Variants in DHX15 observed in about 807,000 individuals in gnomAD.
DHX15 encodes the protein ATP-dependent RNA helicase DHX15.
DHX15 carries 11 observed loss-of-function variants against 94.4 expected under a neutral mutation model. That is an observed-to-expected ratio of 0.12 (90% CI 0.07 to 0.19). The LOEUF is 0.19. DHX15 is among the 10% of genes least tolerant of loss of function. The pLI is 1.00. For missense variants in DHX15, 304 were observed against 988.5 expected, an observed-to-expected ratio of 0.31 and a Z score of 9.29; for synonymous variants, 338 against 329.9, an observed-to-expected ratio of 1.02 and a Z score of -0.27.
intron 3 of DHX15, among the ~76,000 whole-genome samples, chr4:24,560,221 T>TTA (rs970789575): frequency 6.9e-4 from 104 of 151,650 alleles, no homozygotes; most frequent in African/African-American, 2.4e-3. Context: ...ATTTTTGTAT[T>TTA]TATATATATG....
chr4:24,543,600 A>G (rs758513260), intron 6 of DHX15, among the ~76,000 whole-genome samples: 6 of 152,192 alleles, frequency 3.9e-5, no homozygotes, highest in Non-Finnish European at 8.8e-5. Flanking sequence ...GACATGTAAT[A>G]CGTTACTACA....
At chr4:24,583,473 G>GA (rs34695502) in intron 1 of DHX15, among the ~76,000 whole-genome samples, 34,260 of 146,162 alleles carry the variant, frequency 0.23, 4,913 homozygotes, top group Non-Finnish European at 0.32. Context: ...AATAAATGAT[G>GA]AAAAAAAAAA....
chr4:24,583,604 G>T (rs1454679342), intron 1 of DHX15, among the ~76,000 whole-genome samples: 2 of 152,022 alleles, frequency 1.3e-5, no homozygotes, highest in Non-Finnish European at 2.9e-5. Flanking sequence ...TATCTACTTT[G>T]AAGTGTTTGA....
intron 2 of DHX15, among the ~76,000 whole-genome samples, chr4:24,572,691 T>G (rs1221055895): frequency 6.6e-6 from 1 of 152,206 alleles, no homozygotes; most frequent in Non-Finnish European, 1.5e-5. Context: ...TGACTACTTT[T>G]CAAACAAAAA....
chr4:24,533,130 T>A, intron 11 of DHX15, 76 bp from the exon 12 acceptor site: 1 of 1,286,130 alleles, frequency 7.8e-7, no homozygotes, highest in South Asian at 1.2e-5. Flanking sequence ...ATTAAAAAAA[T>A]TGTTATAAAG....
At chr4:24,563,674 T>A (rs894010098) in intron 3 of DHX15, among the ~76,000 whole-genome samples, 1 of 152,174 alleles carries the variant, frequency 6.6e-6, no homozygotes, top group Admixed American at 6.5e-5. Flanking sequence ...TCCCAGGAAC[T>A]ACAAGTTTAA....
intron 3 of DHX15, among the ~76,000 whole-genome samples, chr4:24,558,491 T>C (rs552302444): frequency 2.0e-5 from 3 of 152,284 alleles, no homozygotes; most frequent in African/African-American, 4.8e-5. Context: ...GGAAGAAATG[T>C]TACAGATGGC....
intron 6 of DHX15, among the ~76,000 whole-genome samples, chr4:24,546,436 C>T (rs898604298): frequency 3.3e-5 from 5 of 152,152 alleles, no homozygotes; most frequent in Non-Finnish European, 7.4e-5. Flanking sequence ...ACCAAATCCA[C>T]AAAATAGCAA....
At chr4:24,580,801 A>G (rs867682639) in intron 1 of DHX15, 3 of 152,098 alleles carry the variant, frequency 2.0e-5, no homozygotes, top group African/African-American at 7.2e-5. Flanking sequence ...TACAGGTGTG[A>G]GCCATCACAC....
At chr4:24,541,433 A>C (rs1721307811) in intron 8 of DHX15, among the ~76,000 whole-genome samples, 1 of 152,104 alleles carries the variant, frequency 6.6e-6, no homozygotes, top group Non-Finnish European at 1.5e-5. Flanking sequence ...CAAAGCGCCA[A>C]GAATATTGAT....
intron 5 of DHX15, 114 bp downstream of exon 5, chr4:24,554,611 A>C (rs989155900): frequency 2.1e-5 from 16 of 764,414 alleles, no homozygotes; most frequent in Non-Finnish European, 2.8e-5. Context: ...TAATACAATC[A>C]GGTTGAAGAA....
intron 4 of DHX15, among the ~76,000 whole-genome samples, 199 bp downstream of exon 4, chr4:24,556,051 TA>T (rs1577342326): frequency 6.6e-6 from 1 of 152,224 alleles, no homozygotes; most frequent in East Asian, 1.9e-4. Flanking sequence ...AGATTGGGCT[TA>T]AAAATGCATT....
intron 6 of DHX15, among the ~76,000 whole-genome samples, chr4:24,544,236 T>C (rs1721377161): frequency 6.6e-6 from 1 of 152,210 alleles, no homozygotes; most frequent in Non-Finnish European, 1.5e-5. Flanking sequence ...CAAATAGCTT[T>C]AAAAATCATA....
At chr4:24,545,646 T>A (rs147696219) in intron 6 of DHX15, among the ~76,000 whole-genome samples, 1 of 152,156 alleles carries the variant, frequency 6.6e-6, no homozygotes, top group African/African-American at 2.4e-5. Flanking sequence ...AAAAGCGAAC[T>A]AATAAATGAC....
At chr4:24,546,270 C>T (rs371510433) in intron 6 of DHX15, among the ~76,000 whole-genome samples, 21 of 152,216 alleles carry the variant, frequency 1.4e-4, no homozygotes, top group African/African-American at 4.8e-4. Flanking sequence ...ACCATCTCCA[C>T]AAGGGCCATT....
Position 24,547,953 on chromosome 4 carries a change from ATC to A in DHX15, c.1248+900_1248+901del, listed in dbSNP as rs1331308173. Among the ~76,000 whole-genome samples the A allele has an allele frequency of 1.3e-4, 16 of 124,618 alleles. 1 individual carries two copies. Among genetic ancestry groups the A allele is most frequent in the African/African-American group, 4.5e-4 (13 of 29,158 alleles). The allele number at this position is 124,618 out of a possible 152,430, so 81.8% of individuals were successfully genotyped here. A position where few individuals can be genotyped will look rare whatever the true frequency, so the allele number is the denominator to read the frequency against. On this transcript the variant is annotated intron_variant, in intron 6 of 13. Coordinates refer to ENST00000336812, the MANE Select transcript of DHX15 (RefSeq NM_001358.3). ...TATATATATATATATCTATATCTAT[ATC>A]TATATCTATCTGCTGATGGGGACTA...
At chr4:24,559,356 T>A (rs1721811900) in intron 3 of DHX15, among the ~76,000 whole-genome samples, 1 of 145,148 alleles carries the variant, frequency 6.9e-6, no homozygotes, top group East Asian at 2.0e-4. Flanking sequence ...AGAGAATGAA[T>A]TTGTCAATTT....
At chr4:24,541,147 T>C (rs867144006) in intron 8 of DHX15, among the ~76,000 whole-genome samples, 199 bp from the exon 9 acceptor site, 1 of 152,268 alleles carries the variant, frequency 6.6e-6, no homozygotes, top group Middle Eastern at 3.4e-3. Context: ...CAGTGTTTGC[T>C]ACTGTCCATA....
At chr4:24,559,489 C>G (rs925141338) in intron 3 of DHX15, among the ~76,000 whole-genome samples, 9 of 151,600 alleles carry the variant, frequency 5.9e-5, no homozygotes, top group South Asian at 4.1e-4. Context: ...TCAGGAAAGG[C>G]AGAATCAGGC....
Sources: allele counts gnomAD v4.1 joint callset (sites outside exome capture counted in the v4.1 genomes callset), GRCh38; gene constraint gnomAD v4.1.1; transcripts MANE v1.5; gene names NCBI Gene and HGNC (gene_info 2026-07-23, HGNC 2026-07-21).